Variants in SLC7A1 observed in about 807,000 individuals in gnomAD.
The protein encoded by SLC7A1 is solute carrier family 7 member 1.
SLC7A1 carries 10 observed loss-of-function variants against 53.9 expected under a neutral mutation model. The ratio of observed to expected loss-of-function variants is 0.19; its 90% CI spans 0.11 to 0.31. SLC7A1 has a LOEUF of 0.31. Among genes scored for constraint, SLC7A1 ranks in the 10% least tolerant of loss-of-function variants. SLC7A1 has a pLI of 1.00. For synonymous variants in SLC7A1, 342 were observed against 338.7 expected (o/e 1.01, Z -0.11); for missense variants, 525 against 827.2 (o/e 0.63, Z 4.48).
At chr13:29,541,314 G>A (rs1869656120) in intron 2 of SLC7A1, among the ~76,000 whole-genome samples, 1 of 152,230 alleles carries the variant, frequency 6.6e-6, no homozygotes, top group Admixed American at 6.5e-5. Context: ...ACTGAACACG[G>A]TCTTGAGAAG....
chr13:29,555,110 G>A (rs920503093), intron 1 of SLC7A1, among the ~76,000 whole-genome samples: 3 of 151,796 alleles, frequency 2.0e-5, no homozygotes, highest in Admixed American at 6.6e-5. Context: ...TGTAATCCCA[G>A]CACTTTGGGA....
At chr13:29,575,651 A>C (rs901175353) in intron 1 of SLC7A1, among the ~76,000 whole-genome samples, 10 of 152,230 alleles carry the variant, frequency 6.6e-5, no homozygotes, top group African/African-American at 2.4e-4. Flanking sequence ...TGACACAGTT[A>C]ACAGTGAGCC....
At position 29,514,461 on chromosome 13, in the gene SLC7A1, CG is replaced by C. The variant is rs766645447; in HGVS notation, c.*18del. The C allele has an allele frequency of 4.4e-6, 7 of 1,594,344 alleles. No homozygotes were observed. The South Asian group carries it at 4.4e-5, about 10-fold the overall frequency. On this transcript the variant is annotated 3_prime_UTR_variant, in exon 13 of 13. Transcript: ENST00000380752. The stretch of plus-strand genomic sequence containing the variant: ...CGTCCCTCGGGGCTGCTGCCACCTC[CG>C]GGGGGCGGGGCTGTGCGTCACTTGC...
At chr13:29,569,406 A>C (rs1486639394) in intron 1 of SLC7A1, among the ~76,000 whole-genome samples, 1 of 151,748 alleles carries the variant, frequency 6.6e-6, no homozygotes, top group Non-Finnish European at 1.5e-5. Flanking sequence ...ATTTAAACTC[A>C]CCTCAAACTG....
At position 29,537,165 on chromosome 13, in the gene SLC7A1, T is replaced by G. The variant is rs542984258; in HGVS notation, c.-14-963A>C. Among the ~76,000 whole-genome samples the G allele has an allele frequency of 7.9e-5, 12 of 151,398 alleles. No homozygotes were observed. The South Asian group carries it at 2.5e-3, about 32-fold the overall frequency. On this transcript the variant is annotated intron_variant, in intron 2 of 12. Coordinates refer to ENST00000380752, the MANE Select transcript of SLC7A1 (RefSeq NM_003045.5). Reference sequence around the variant, plus strand: ...AGACTTCCTTCCATAGAGTCCAGGATGGAAGGGTGGGGGTGGGAAAACAGA... The same window carrying G: ...AGACTTCCTTCCATAGAGTCCAGGAGGGAAGGGTGGGGGTGGGAAAACAGA...
intron 1 of SLC7A1, among the ~76,000 whole-genome samples, chr13:29,573,977 G>T (rs1871303840): frequency 6.6e-6 from 1 of 152,200 alleles, no homozygotes; most frequent in African/African-American, 2.4e-5. Context: ...TCTTTGACAA[G>T]CTCTCTCACA....
intron 1 of SLC7A1, 90 bp downstream of exon 1, chr13:29,595,326 C>T (rs1872266020): frequency 6.6e-6 from 1 of 151,904 alleles, no homozygotes; most frequent in Admixed American, 6.6e-5. Context: ...CCGCGCCGCC[C>T]TGCCGCGGCC....
Position 29,510,316 on chromosome 13 carries a change from A to AT in SLC7A1, c.*4163dup, listed in dbSNP as rs1047675246. The AT allele has an allele frequency of 6.9e-4, 106 of 152,632 alleles. No individual in the cohort carries two copies. The highest frequency in any genetic ancestry group is 4.4e-5 in the Non-Finnish European group (3 of 68,020). 9.5% of individuals were successfully genotyped at this position (152,632 alleles called of 1,614,324 possible). On this transcript the variant is annotated 3_prime_UTR_variant, in exon 13 of 13. Transcript: ENST00000380752. ...AGGGGTGAAGATGGAGTCGGCTGAC[A>AT]TTTTTTGCCTTAAAAATACATTAGG...
chr13:29,514,510 A>AG lies in SLC7A1; in HGVS notation c.1859dup (p.Pro621SerfsTer2). The stretch of plus-strand genomic sequence containing the variant: ...TGCACTGGTCCAAGTTGCCGTCAGG[A>AG]GTCCTTGCTTGGTCGGCATCCAGGG... On this transcript the variant is annotated frameshift_variant, in exon 13 of 13. Coordinates refer to ENST00000380752, the MANE Select transcript of SLC7A1 (RefSeq NM_003045.5). LOFTEE classifies it high-confidence loss of function. 1 of 1,611,014 alleles carries AG rather than the reference A, an allele frequency of 6.2e-7. No individual in the cohort carries two copies. The highest frequency in any genetic ancestry group is 1.1e-5 in the South Asian group (1 of 91,078).
chr13:29,588,878 A>G (rs9551699), intron 1 of SLC7A1, among the ~76,000 whole-genome samples: 17,795 of 152,234 alleles, frequency 0.12, 1,984 homozygotes, highest in East Asian at 0.62. Context: ...GGAGAAGGGC[A>G]AAAGGGATGA....
At chr13:29,593,280 C>T (rs746939724) in intron 1 of SLC7A1, among the ~76,000 whole-genome samples, 3 of 152,156 alleles carry the variant, frequency 2.0e-5, no homozygotes, top group Non-Finnish European at 4.4e-5. Context: ...ATGAATCCAC[C>T]GGCCAATCCT....
chr13:29,593,664 A>G (rs1199523248), intron 1 of SLC7A1, among the ~76,000 whole-genome samples: 1 of 152,228 alleles, frequency 6.6e-6, no homozygotes, highest in Admixed American at 6.5e-5. Flanking sequence ...GACCAGAATA[A>G]TCAATCAACA....
At chr13:29,584,761 G>C (rs1871806083) in intron 1 of SLC7A1, among the ~76,000 whole-genome samples, 1 of 152,062 alleles carries the variant, frequency 6.6e-6, no homozygotes, top group South Asian at 2.1e-4. Flanking sequence ...TTAAGCAAAA[G>C]TCCATCCAAC....
chr13:29,570,139 C>T (rs1871133392), intron 1 of SLC7A1, among the ~76,000 whole-genome samples: 1 of 152,212 alleles, frequency 6.6e-6, no homozygotes, highest in Admixed American at 6.5e-5. Context: ...AGCTCATTCA[C>T]ATGTTCCTCT....
chr13:29,514,232 G>A lies in SLC7A1; in HGVS notation c.*248C>T. On this transcript the variant is annotated 3_prime_UTR_variant, in exon 13 of 13. Transcript: ENST00000380752. ...ACTGCTTTGTTCAGAGAAGTGAGGA[G>A]ACACAGTGGCCAGCCGCAGCCTAGT... 1 of 546,920 alleles carries A rather than the reference G, an allele frequency of 1.8e-6. No homozygotes were observed. Among genetic ancestry groups the A allele is most frequent in the Non-Finnish European group, 3.3e-6 (1 of 303,236 alleles). 33.9% of individuals were successfully genotyped at this position (546,920 alleles called of 1,614,324 possible).
intron 1 of SLC7A1, among the ~76,000 whole-genome samples, chr13:29,591,039 G>A (rs1872087881): frequency 6.6e-6 from 1 of 152,114 alleles, no homozygotes; most frequent in Non-Finnish European, 1.5e-5. Context: ...GATCCCAGGA[G>A]GTGGAGGCTA....
In SLC7A1 at chr13:29,516,988, T is replaced by G. The variant is rs568374003; in HGVS notation, c.1677+156A>C. The G allele has an allele frequency of 1.7e-3, 1,036 of 613,508 alleles. 1 individual carries two copies. The highest frequency in any genetic ancestry group is 2.5e-3 in the Non-Finnish European group (930 of 367,584). The allele number at this position is 613,508 out of a possible 1,614,324, so 38.0% of individuals were successfully genotyped here. A position where few individuals can be genotyped will look rare whatever the true frequency, so the allele number is the denominator to read the frequency against. The stretch of plus-strand genomic sequence containing the variant: ...TCCTTCCAGGGTCTGGTCCTCTCTG[T>G]GCCTTCAGGACCCCTGCCCCATCTT... On this transcript the variant is annotated intron_variant, in intron 11 of 12. Coordinates refer to ENST00000380752, the MANE Select transcript of SLC7A1 (RefSeq NM_003045.5).
chr13:29,540,140 C>G (rs1473916168), intron 2 of SLC7A1, among the ~76,000 whole-genome samples: 1 of 152,196 alleles, frequency 6.6e-6, no homozygotes, highest in Non-Finnish European at 1.5e-5. Context: ...GCTAACCATT[C>G]CAACCCCAGC....
chr13:29,515,860 T>A lies in SLC7A1; in HGVS notation c.1786+278A>T, dbSNP rs9550477. On this transcript the variant is annotated intron_variant, in intron 12 of 12. Coordinates refer to ENST00000380752, the MANE Select transcript of SLC7A1 (RefSeq NM_003045.5). Reference sequence around the variant, plus strand: ...GAGGCACAGGCCAGACTTTCCTGTCTGGGGTGAAAATAACTGGTACCTTAT... The same window carrying A: ...GAGGCACAGGCCAGACTTTCCTGTCAGGGGTGAAAATAACTGGTACCTTAT... Among the ~76,000 whole-genome samples, 152 of 152,384 alleles carry A rather than the reference T, an allele frequency of 1.0e-3. 3 individuals are homozygous for A. The East Asian group carries it at 0.026, about 26-fold the overall frequency.
Sources: gnomAD v4.1 joint callset for allele counts (sites outside exome capture counted in the v4.1 genomes callset) on GRCh38, gnomAD v4.1.1 for gene constraint, MANE v1.5 for transcripts, NCBI Gene and HGNC (gene_info 2026-07-23, HGNC 2026-07-21) for gene names.